The following PARD3B variants were observed in gnomAD, a reference collection of about 807,000 sequenced individuals.
The protein encoded by PARD3B is partitioning defective 3 homolog B.
In PARD3B, 103 loss-of-function variants were observed where a neutral mutation model predicts 130.2. The ratio of observed to expected loss-of-function variants is 0.79; its 90% CI spans 0.67 to 0.93. The LOEUF (loss-of-function observed/expected upper bound fraction) is 0.93, where lower values mean the gene tolerates loss of function less well. PARD3B is among the 40% of genes least tolerant of loss of function. PARD3B has a pLI of 0.00. For synonymous variants in PARD3B, 583 were observed against 553.2 expected, an observed-to-expected ratio of 1.05 and a Z score of -0.76; for missense variants, 1,609 against 1,499.2, an observed-to-expected ratio of 1.07 and a Z score of -1.21.
intron 2 of PARD3B, among the ~76,000 whole-genome samples, chr2:204,778,416 G>T (rs1249599592): frequency 6.6e-6 from 1 of 152,182 alleles, no homozygotes; most frequent in Non-Finnish European, 1.5e-5. Context: ...ACAACATTTA[G>T]GACAAGTGCA....
chr2:204,807,984 G>T (rs1229833349), intron 2 of PARD3B, among the ~76,000 whole-genome samples: 1 of 151,868 alleles, frequency 6.6e-6, no homozygotes, highest in Admixed American at 6.6e-5. Flanking sequence ...GTAACACAAA[G>T]AAATGATAAT....
At position 205,466,949 on chromosome 2, in the gene PARD3B, G is replaced by A. The variant is rs183539600; in HGVS notation, c.3044+26277G>A. ...GCTGGTCTTTAACTCCTCACCTCAGGTGATCCGCCCACCTTGGCCTACCAA... is the reference window on the plus strand; with the variant it reads ...GCTGGTCTTTAACTCCTCACCTCAGATGATCCGCCCACCTTGGCCTACCAA... On this transcript the variant is annotated intron_variant, in intron 20 of 22. Transcript: ENST00000406610. Among the ~76,000 whole-genome samples the A allele has an allele frequency of 2.1e-3, 324 of 152,284 alleles. 1 individual carries two copies. The highest frequency in any genetic ancestry group is 7.4e-3 in the African/African-American group (309 of 41,558).
At chr2:205,246,335 TAGGA>T in intron 16 of PARD3B, among the ~76,000 whole-genome samples, 1 of 152,212 alleles carries the variant, frequency 6.6e-6, no homozygotes, top group African/African-American at 2.4e-5. Flanking sequence ...AGATATTCTC[TAGGA>T]AGTCCACAAA....
chr2:204,921,999 A>G (rs974100371), intron 2 of PARD3B, among the ~76,000 whole-genome samples: 4 of 152,068 alleles, frequency 2.6e-5, no homozygotes, highest in African/African-American at 4.8e-5. Context: ...ATGCTTAGCA[A>G]GTTTCTGCAT....
chr2:204,600,934 T>G lies in PARD3B; in HGVS notation c.120+54815T>G, dbSNP rs553839879. ...AACTGTTTAGTTTAAAATAGGATTT[T>G]TTTTTTCTGAGTAAATCTATTATGG... On this transcript the variant is annotated intron_variant, in intron 1 of 22. Transcript: ENST00000406610. 1.5e-4 allele frequency among the ~76,000 whole-genome samples: 23 copies of G among 151,992 alleles called. No individual in the cohort carries two copies. The East Asian group carries it at 4.4e-3, about 29-fold the overall frequency.
At chr2:204,732,083 GTT>G (rs11359656) in intron 2 of PARD3B, among the ~76,000 whole-genome samples, 3,063 of 145,654 alleles carry the variant, frequency 0.021, 105 homozygotes, top group East Asian at 0.15. Flanking sequence ...AATAATTGTG[GTT>G]TTTTTTTTTT....
Position 205,037,822 on chromosome 2 carries a change from A to G in PARD3B, c.395-9759A>G, listed in dbSNP as rs561631398. Among the ~76,000 whole-genome samples, 15 of 152,112 alleles carry G rather than the reference A, an allele frequency of 9.9e-5. No homozygotes were observed. In the East Asian group the frequency reaches 2.7e-3, roughly 27 times the overall value. On this transcript the variant is annotated intron_variant, in intron 3 of 22. Coordinates refer to ENST00000406610, the MANE Select transcript of PARD3B (RefSeq NM_001302769.2). ...ATGGAAGAGATTACAGGGTTAACCT[A>G]TAGCAATTAAAATATTTTACTTATG...
At chr2:204,938,682 C>T (rs764667454) in intron 2 of PARD3B, among the ~76,000 whole-genome samples, 7 of 152,188 alleles carry the variant, frequency 4.6e-5, no homozygotes, top group Non-Finnish European at 1.0e-4. Context: ...TCCTCAATAT[C>T]ACCCTAGACA....
At chr2:204,856,129 C>T (rs530280839) in intron 2 of PARD3B, among the ~76,000 whole-genome samples, 1 of 152,214 alleles carries the variant, frequency 6.6e-6, no homozygotes, top group African/African-American at 2.4e-5. Context: ...CATACTGTTT[C>T]CCAAAATGGT....
intron 2 of PARD3B, among the ~76,000 whole-genome samples, chr2:204,948,874 C>T (rs1689544243): frequency 6.6e-6 from 1 of 152,186 alleles, no homozygotes; most frequent in Non-Finnish European, 1.5e-5. Flanking sequence ...CCATGTCTCA[C>T]AGGACCCTTC....
At chr2:204,996,155 C>T (rs1199798619) in intron 3 of PARD3B, among the ~76,000 whole-genome samples, 8 of 98,952 alleles carry the variant, frequency 8.1e-5, no homozygotes, top group African/African-American at 3.0e-4. Context: ...AGGAGAGGCG[C>T]TCTGCGTTTT....
chr2:204,648,652 A>AATATATTTATAATATATATCATAAATAAT (rs2035364152), intron 1 of PARD3B, among the ~76,000 whole-genome samples: 1 of 114,670 alleles, frequency 8.7e-6, no homozygotes. Flanking sequence ...TTATATATAT[A>AATATATTTATAATATATATCATAAATAAT]ATATATTTAT....
chr2:205,240,088 A>G (rs747187112), intron 15 of PARD3B, among the ~76,000 whole-genome samples: 13 of 152,184 alleles, frequency 8.5e-5, no homozygotes, highest in Non-Finnish European at 1.5e-4. Flanking sequence ...CGAAAACACT[A>G]TAGATTAATG....
chr2:205,541,579 C>T (rs1288190918), intron 21 of PARD3B, among the ~76,000 whole-genome samples: 1 of 152,036 alleles, frequency 6.6e-6, no homozygotes, highest in Non-Finnish European at 1.5e-5. Context: ...AAATTCCTGG[C>T]CTCAAGTGAT....
At chr2:204,832,452 C>T (rs943084769) in intron 2 of PARD3B, among the ~76,000 whole-genome samples, 22 of 152,128 alleles carry the variant, frequency 1.4e-4, no homozygotes, top group African/African-American at 5.1e-4. Context: ...TATACCTTCT[C>T]GGTCTGTAGC....
At chr2:204,894,651 TAAAG>T (rs2046578942) in intron 2 of PARD3B, among the ~76,000 whole-genome samples, 1 of 152,014 alleles carries the variant, frequency 6.6e-6, no homozygotes. Flanking sequence ...AAATATGAAA[TAAAG>T]AAATAAACAC....
chr2:205,514,290 G>C (rs1188165075), intron 21 of PARD3B, among the ~76,000 whole-genome samples: 1 of 152,058 alleles, frequency 6.6e-6, no homozygotes, highest in African/African-American at 2.4e-5. Flanking sequence ...GTGGGTATTG[G>C]TACAGTTTTT....
rs975963422 is a variant in PARD3B at position 205,036,353 on chromosome 2, TG to T, written c.395-11225del. On this transcript the variant is annotated intron_variant, in intron 3 of 22. Transcript: ENST00000406610. ...TATATATAAAAATATATGTATATAG[TG>T]GGCTATATATATAAAATATATATAG... is the stretch of plus-strand genomic sequence containing the variant. 2.1e-3 allele frequency among the ~76,000 whole-genome samples: 293 copies of T among 138,544 alleles called. 3 individuals are homozygous for T. The highest frequency in any genetic ancestry group is 3.3e-3 in the Non-Finnish European group (208 of 63,740). 90.9% of individuals were successfully genotyped at this position (138,544 alleles called of 152,430 possible).
rs185699677 is a variant in PARD3B, at chr2:204,786,080, C to T, written c.222+99798C>T. 6.5e-5 allele frequency among the ~76,000 whole-genome samples: 9 copies of T among 138,938 alleles called. No individual in the cohort carries two copies. In the East Asian group the frequency reaches 1.9e-3, roughly 30 times the overall value. The allele number at this position is 138,938 out of a possible 152,430, so 91.1% of individuals were successfully genotyped here. A position where few individuals can be genotyped will look rare whatever the true frequency, so the allele number is the denominator to read the frequency against. ...AGTGAGCCAAGATTGCACCAGTGCA[C>T]ACCAGCCCAGGTGACAGAGTGAGAC... On this transcript the variant is annotated intron_variant, in intron 2 of 22. Coordinates refer to ENST00000406610, the MANE Select transcript of PARD3B (RefSeq NM_001302769.2).
Sources: gnomAD v4.1 joint callset for allele counts (sites outside exome capture counted in the v4.1 genomes callset) on GRCh38, gnomAD v4.1.1 for gene constraint, MANE v1.5 for transcripts, NCBI Gene and HGNC (gene_info 2026-07-23, HGNC 2026-07-21) for gene names.